SLIT3: variants seen among roughly 807,000 people sequenced by gnomAD.
SLIT3 encodes the protein slit guidance ligand 3, also known as slit homolog 3 protein.
A neutral mutation model predicts 184.0 loss-of-function variants in SLIT3; 68 were observed. The observed-to-expected ratio is 0.37, with a 90% CI of 0.30 to 0.45. The LOEUF (loss-of-function observed/expected upper bound fraction) is 0.45. SLIT3 is among the 20% of genes least tolerant of loss of function. The pLI is 1.00. For missense variants in SLIT3, 1,707 were observed against 2,026.0 expected (o/e 0.84, Z 3.02); for synonymous variants, 831 against 828.6 (o/e 1.00, Z -0.05).
chr5:168,997,997 C>T (rs778453185), intron 4 of SLIT3, among the ~76,000 whole-genome samples: 1 of 152,086 alleles, frequency 6.6e-6, no homozygotes, highest in Non-Finnish European at 1.5e-5. Context: ...CTCTCTCTCC[C>T]TCCATCTCTC....
At chr5:168,904,153 A>G (rs903809130) in intron 4 of SLIT3, among the ~76,000 whole-genome samples, 1 of 152,148 alleles carries the variant, frequency 6.6e-6, no homozygotes, top group Admixed American at 6.5e-5. Flanking sequence ...AAGCTTAGAG[A>G]TGTGCTGAGT....
At position 169,000,042 on chromosome 5, in the gene SLIT3, T is replaced by G. The variant is rs1755648971; in HGVS notation, c.414-116706A>C. On this transcript the variant is annotated intron_variant, in intron 4 of 35. Coordinates refer to ENST00000519560, the MANE Select transcript of SLIT3 (RefSeq NM_003062.4). Reference sequence around the variant, plus strand: ...GCCTATCACTTGCTAAAATCAGTGCTCAACAAATACTGCGATCATTATTGA... The same window carrying G: ...GCCTATCACTTGCTAAAATCAGTGCGCAACAAATACTGCGATCATTATTGA... Among the ~76,000 whole-genome samples, 2 of 152,212 alleles carry G rather than the reference T, an allele frequency of 1.3e-5. 1 individual carries two copies. Among genetic ancestry groups the G allele is most frequent in the African/African-American group, 4.8e-5 (2 of 41,512 alleles).
At chr5:169,248,313 A>G (rs1177026363) in intron 2 of SLIT3, among the ~76,000 whole-genome samples, 2 of 152,100 alleles carry the variant, frequency 1.3e-5, no homozygotes, top group Non-Finnish European at 2.9e-5. Flanking sequence ...TCACTGACCA[A>G]GTATCCACAT....
At chr5:169,281,608 G>A (rs889604064) in intron 1 of SLIT3, among the ~76,000 whole-genome samples, 1 of 74,004 alleles carries the variant, frequency 1.4e-5, no homozygotes, top group Non-Finnish European at 2.8e-5. Flanking sequence ...TAATTGATGG[G>A]GGGAAATGGA....
chr5:168,902,816 A>G (rs892184836), intron 4 of SLIT3, among the ~76,000 whole-genome samples: 1 of 152,194 alleles, frequency 6.6e-6, no homozygotes, highest in Non-Finnish European at 1.5e-5. Context: ...CATGACATAC[A>G]TGAATTTGAG....
At chr5:169,245,639 G>C (rs1199616762) in intron 2 of SLIT3, among the ~76,000 whole-genome samples, 3 of 152,160 alleles carry the variant, frequency 2.0e-5, no homozygotes, top group Non-Finnish European at 4.4e-5. Flanking sequence ...TGTTTCTTTA[G>C]AAAGTGGAGT....
chr5:169,281,620 AC>A (rs67550637), intron 1 of SLIT3, among the ~76,000 whole-genome samples: 117,848 of 151,658 alleles, frequency 0.78, 45,923 homozygotes, highest in African/African-American at 0.84. Flanking sequence ...GGAAATGGAC[AC>A]AAAAAAATTA....
At chr5:168,667,540 A>T (rs1440608902) in intron 35 of SLIT3, 2 of 152,202 alleles carry the variant, frequency 1.3e-5, no homozygotes, top group African/African-American at 4.8e-5. Flanking sequence ...ATCTGCTTAA[A>T]CACTCTGGAC....
intron 4 of SLIT3, among the ~76,000 whole-genome samples, chr5:169,068,656 G>A (rs1210828882): frequency 6.6e-6 from 1 of 152,144 alleles, no homozygotes; most frequent in African/African-American, 2.4e-5. Flanking sequence ...AAAGGACAAT[G>A]TTCCCAACAA....
intron 21 of SLIT3, among the ~76,000 whole-genome samples, chr5:168,723,715 C>T (rs1026378293): frequency 2.6e-5 from 4 of 152,174 alleles, no homozygotes; most frequent in Non-Finnish European, 2.9e-5. Flanking sequence ...AGCTTCCCTG[C>T]GGGGATAAAC....
intron 20 of SLIT3, among the ~76,000 whole-genome samples, chr5:168,745,596 G>C (rs1186329615): frequency 6.6e-6 from 1 of 152,146 alleles, no homozygotes; most frequent in Non-Finnish European, 1.5e-5. Context: ...ATTTTCAGTA[G>C]AGATGGGGTT....
chr5:169,265,822 T>A (rs931918366), intron 1 of SLIT3, among the ~76,000 whole-genome samples: 1 of 152,128 alleles, frequency 6.6e-6, no homozygotes, highest in African/African-American at 2.4e-5. Flanking sequence ...TGAGCACAAG[T>A]AAGATGATGA....
intron 3 of SLIT3, among the ~76,000 whole-genome samples, chr5:169,215,074 T>G (rs762763907): frequency 2.6e-5 from 4 of 152,150 alleles, no homozygotes; most frequent in Non-Finnish European, 4.4e-5. Flanking sequence ...AATACAAACT[T>G]AATTATGTTG....
intron 14 of SLIT3, 127 bp from the exon 15 acceptor site, chr5:168,762,816 G>A (rs1391168844): frequency 2.1e-6 from 2 of 933,532 alleles, no homozygotes; most frequent in Non-Finnish European, 3.3e-6. Context: ...TCAAGTAACA[G>A]ACACGGCATC....
intron 4 of SLIT3, among the ~76,000 whole-genome samples, chr5:169,116,939 T>C (rs1015154135): frequency 2.6e-5 from 4 of 152,160 alleles, no homozygotes; most frequent in African/African-American, 9.7e-5. Flanking sequence ...CACAGAGCCT[T>C]TCAGATTTAC....
intron 3 of SLIT3, among the ~76,000 whole-genome samples, chr5:169,231,078 C>G (rs1199982504): frequency 6.6e-6 from 1 of 152,182 alleles, no homozygotes; most frequent in Admixed American, 6.5e-5. Flanking sequence ...AAAAAAATCA[C>G]TTCCCAGCTG....
chr5:168,782,823 CA>C (rs1756020332), intron 12 of SLIT3, among the ~76,000 whole-genome samples: 1 of 152,130 alleles, frequency 6.6e-6, no homozygotes, highest in South Asian at 2.1e-4. Context: ...CCCCCAAAGA[CA>C]ATAAGGGTTG....
rs1028061417 is a variant in SLIT3, at chr5:168,671,317, G to A, written c.4008C>T (p.Thr1336=). 2.7e-5 allele frequency: 43 copies of A among 1,613,832 alleles called. No homozygotes were observed. Among genetic ancestry groups the A allele is most frequent in the South Asian group, 4.4e-5 (4 of 91,070 alleles). The change falls in exon 34 of 36, where the codon ACC becomes ACT. Residue 1336 remains threonine (T), a synonymous_variant. Coordinates refer to ENST00000519560, the MANE Select transcript of SLIT3 (RefSeq NM_003062.4). ...AGCGGCACAGGCCGTGCTTGCACAC[G>A]GTGCAGGACTTGCAGCCTGGTGACA... The part of the protein sequence containing the change: ...LGVSPGCKSC[T]VCKHGLCRSV...
chr5:169,009,251 G>C (rs1418634015), intron 4 of SLIT3, among the ~76,000 whole-genome samples: 2 of 152,196 alleles, frequency 1.3e-5, no homozygotes, highest in Admixed American at 6.5e-5. Flanking sequence ...TGCACCTTTA[G>C]AGACCAACAA....
Sources: allele counts gnomAD v4.1 joint callset (sites outside exome capture counted in the v4.1 genomes callset), GRCh38; gene constraint gnomAD v4.1.1; transcripts MANE v1.5; gene names NCBI Gene and HGNC (gene_info 2026-07-23, HGNC 2026-07-21).